Variants in KIF4A observed in about 807,000 individuals in gnomAD.
KIF4A encodes chromosome-associated kinesin KIF4A.
KIF4A carries 7 observed loss-of-function variants against 105.9 expected under a neutral mutation model. The ratio of observed to expected loss-of-function variants is 0.07; its 90% CI spans 0.04 to 0.12. KIF4A has a LOEUF of 0.12. Among genes scored for constraint, KIF4A ranks in the 10% least tolerant of loss-of-function variants. KIF4A has a pLI of 1.00. For synonymous variants in KIF4A, 281 were observed against 331.3 expected (o/e 0.85, Z 1.65); for missense variants, 558 against 929.2 (o/e 0.60, Z 5.19).
intron 7 of KIF4A, among the ~76,000 whole-genome samples, chrX:70,309,848 A>G (rs2085841754): frequency 8.9e-6 from 1 of 112,388 alleles, no homozygotes; most frequent in Non-Finnish European, 1.9e-5. Context: ...GTTTGAGACC[A>G]GTCTGGCCAA....
chrX:70,400,264 T>C (rs2086276321), intron 22 of KIF4A, among the ~76,000 whole-genome samples: 1 of 105,639 alleles, frequency 9.5e-6, no homozygotes, highest in African/African-American at 3.5e-5. Flanking sequence ...TGAGTGAGAA[T>C]ATGCGGTGTT....
Position 70,374,056 on chromosome X carries a change from T to C in KIF4A, c.1675-95T>C, listed in dbSNP as rs762077856. 12 of 442,235 alleles carry C rather than the reference T, an allele frequency of 2.7e-5. No homozygotes were observed. In the South Asian group the frequency reaches 7.5e-4, roughly 27 times the overall value. 36.4% of individuals were successfully genotyped at this position (442,235 alleles called of 1,213,427 possible). A position where few individuals can be genotyped will look rare whatever the true frequency, so the allele number is the denominator to read the frequency against. ...CAGCGTGCAGTTGAAGTGGTAAAAATTAATGCATAGTTCCTTGAGACATGG... is the reference window on the plus strand; with the variant it reads ...CAGCGTGCAGTTGAAGTGGTAAAAACTAATGCATAGTTCCTTGAGACATGG... On this transcript the variant is annotated intron_variant, in intron 15 of 30. Coordinates refer to ENST00000374403, the MANE Select transcript of KIF4A (RefSeq NM_012310.5).
At chrX:70,363,577 T>C (rs145046000) in intron 15 of KIF4A, among the ~76,000 whole-genome samples, 194 of 111,828 alleles carry the variant, frequency 1.7e-3, no homozygotes, top group Middle Eastern at 0.014. Flanking sequence ...CATGAACTCA[T>C]CATTTTTTAT....
At chrX:70,361,613 G>A (rs1043275222) in intron 15 of KIF4A, 3 of 165,744 alleles carry the variant, frequency 1.8e-5, no homozygotes, top group Admixed American at 1.1e-4. Flanking sequence ...CTTCACCTTG[G>A]AGATGGTAGT....
chrX:70,369,044 G>A (rs955588577), intron 15 of KIF4A, among the ~76,000 whole-genome samples: 9 of 112,500 alleles, frequency 8.0e-5, no homozygotes, highest in Non-Finnish European at 1.7e-4. Flanking sequence ...AGGACCCTCT[G>A]AGCCAGGTGT....
chrX:70,354,310 C>T (rs1490103201), intron 15 of KIF4A, among the ~76,000 whole-genome samples: 2 of 112,357 alleles, frequency 1.8e-5, no homozygotes, highest in Non-Finnish European at 3.8e-5. Context: ...GCCCTTGCTC[C>T]AGACTTATTT....
intron 28 of KIF4A, among the ~76,000 whole-genome samples, chrX:70,410,246 AC>A (rs978985348): frequency 8.9e-6 from 1 of 111,765 alleles, no homozygotes; most frequent in African/African-American, 3.3e-5. Flanking sequence ...TACTGCTTCA[AC>A]CCAGCTGAAG....
At chrX:70,396,812 G>A (rs188374887) in intron 22 of KIF4A, among the ~76,000 whole-genome samples, 1 of 112,460 alleles carries the variant, frequency 8.9e-6, no homozygotes, top group East Asian at 2.8e-4. Context: ...GCTCATGCCT[G>A]TAATCCCAGC....
At chrX:70,353,490 A>G (rs1014340741) in intron 14 of KIF4A, 132 bp from the exon 15 acceptor site, 3 of 527,651 alleles carry the variant, frequency 5.7e-6, no homozygotes, top group Non-Finnish European at 9.1e-6. Context: ...AAACAAATGT[A>G]TGCAGAGCCA....
Position 70,407,092 on chromosome X carries a change from C to T in KIF4A, c.3255+17C>T. Reference sequence around the variant, plus strand: ...ATCCAAGGGGTAGGAGCCAGCTCTTCAACTTTTTTTTTGTTTTGTTGTTGT... The same window carrying T: ...ATCCAAGGGGTAGGAGCCAGCTCTTTAACTTTTTTTTTGTTTTGTTGTTGT... On this transcript the variant is annotated intron_variant, in intron 28 of 30. Coordinates refer to ENST00000374403, the MANE Select transcript of KIF4A (RefSeq NM_012310.5). 1 of 1,166,126 alleles carries T rather than the reference C, an allele frequency of 8.6e-7. No individual in the cohort carries two copies. The highest frequency in any genetic ancestry group is 1.1e-6 in the Non-Finnish European group (1 of 873,290).
At chrX:70,395,872 T>C (rs764306933) in intron 21 of KIF4A, 46 bp downstream of exon 21, 14 of 1,198,088 alleles carry the variant, frequency 1.2e-5, no homozygotes, top group Non-Finnish European at 1.5e-5. Flanking sequence ...AGACTCTACA[T>C]TCCCCAGAAA....
intron 7 of KIF4A, among the ~76,000 whole-genome samples, chrX:70,304,359 T>A (rs774572499): frequency 9.9e-6 from 1 of 100,526 alleles, no homozygotes; most frequent in East Asian, 3.2e-4. Flanking sequence ...TTTGGGTTGG[T>A]TCCAAGTCTT....
At chrX:70,290,209 T>G in intron 1 of KIF4A, 59 bp downstream of exon 1, 1 of 344,301 alleles carries the variant, frequency 2.9e-6, no homozygotes, top group Non-Finnish European at 5.0e-6. Context: ...CCCTAGGGCT[T>G]TGGTTCTTTG....
chrX:70,353,088 T>G (rs1324287201), intron 14 of KIF4A, among the ~76,000 whole-genome samples: 1 of 112,366 alleles, frequency 8.9e-6, no homozygotes, highest in Non-Finnish European at 1.9e-5. Context: ...ATAATTTAAG[T>G]GTTCAGATCA....
intron 7 of KIF4A, among the ~76,000 whole-genome samples, chrX:70,309,754 A>G (rs1179293664): frequency 8.9e-6 from 1 of 112,793 alleles, no homozygotes; most frequent in Admixed American, 9.4e-5. Flanking sequence ...TAAAATTTAT[A>G]TACAATTGGC....
At chrX:70,315,073 C>T (rs2085864263) in intron 7 of KIF4A, among the ~76,000 whole-genome samples, 1 of 111,625 alleles carries the variant, frequency 9.0e-6, no homozygotes, top group Admixed American at 9.5e-5. Context: ...TTGCATGTTT[C>T]TAAACTTAAT....
chrX:70,315,382 G>A (rs896993670), intron 7 of KIF4A, among the ~76,000 whole-genome samples: 3 of 112,094 alleles, frequency 2.7e-5, no homozygotes, highest in African/African-American at 9.7e-5. Context: ...AATCAGAATG[G>A]TTTTAATGTT....
chrX:70,370,156 A>G (rs2086124426), intron 15 of KIF4A, among the ~76,000 whole-genome samples: 1 of 111,452 alleles, frequency 9.0e-6, no homozygotes, highest in Admixed American at 9.6e-5. Context: ...GCACACTATC[A>G]TGTTCACACA....
intron 7 of KIF4A, among the ~76,000 whole-genome samples, chrX:70,303,843 T>C (rs771654186): frequency 3.2e-4 from 35 of 110,565 alleles, no homozygotes; most frequent in African/African-American, 1.1e-3. Context: ...AGAAGCCCCA[T>C]ATTCATTAGC....
Sources: allele counts gnomAD v4.1 joint callset (sites outside exome capture counted in the v4.1 genomes callset), GRCh38; gene constraint gnomAD v4.1.1; transcripts MANE v1.5; gene names NCBI Gene and HGNC (gene_info 2026-07-23, HGNC 2026-07-21).